The following WWOX variants were observed in gnomAD, a reference collection of about 807,000 sequenced individuals.
WWOX encodes WW domain-containing oxidoreductase.
A neutral mutation model predicts 46.2 loss-of-function variants in WWOX; 69 were observed. The ratio of observed to expected loss-of-function variants is 1.49; its 90% CI spans 1.23 to 1.82. The LOEUF (loss-of-function observed/expected upper bound fraction) is 1.82, where lower values mean the gene tolerates loss of function less well. Among genes scored for constraint, WWOX ranks in the 40% most tolerant of loss-of-function variants. The pLI, the probability that WWOX is intolerant of heterozygous loss-of-function variation, is 0.00. For missense variants in WWOX, 919 were observed against 542.6 expected (o/e 1.69, Z -6.89); for synonymous variants, 359 against 202.6 (o/e 1.77, Z -6.56).
At chr16:78,662,812 ACT>A (rs2047248649) in intron 8 of WWOX, among the ~76,000 whole-genome samples, 1 of 151,928 alleles carries the variant, frequency 6.6e-6, no homozygotes, top group Non-Finnish European at 1.5e-5. Flanking sequence ...GGGCTCTGGG[ACT>A]CAGCTTTTTG....
chr16:78,789,701 C>G (rs943237839), intron 8 of WWOX, among the ~76,000 whole-genome samples: 1 of 152,158 alleles, frequency 6.6e-6, no homozygotes, highest in East Asian at 1.9e-4. Context: ...TGTTCAATAA[C>G]TGGCTTGCAT....
At chr16:78,423,142 C>T (rs2082991367) in intron 6 of WWOX, among the ~76,000 whole-genome samples, 1 of 152,122 alleles carries the variant, frequency 6.6e-6, no homozygotes, top group African/African-American at 2.4e-5. Flanking sequence ...GCCTCAGCCT[C>T]CCAAAGTGCT....
At chr16:79,082,674 A>G (rs1053904046) in intron 8 of WWOX, among the ~76,000 whole-genome samples, 1 of 152,160 alleles carries the variant, frequency 6.6e-6, no homozygotes, top group Admixed American at 6.5e-5. Context: ...CTGCTCTTTT[A>G]GCTTCTGCCA....
In WWOX at chr16:79,015,361, G is replaced by A. The variant is rs148730036; in HGVS notation, c.1057-196247G>A. Among the ~76,000 whole-genome samples, 243 of 152,294 alleles carry A rather than the reference G, an allele frequency of 1.6e-3. 1 individual carries two copies. The highest frequency in any genetic ancestry group is 5.6e-3 in the African/African-American group (232 of 41,560). ...TTTCCAGCCGTGTGACCTTCCACAT[G>A]CTTTTTGATTTTTCTTGAACTCACT... On this transcript the variant is annotated intron_variant, in intron 8 of 8. Transcript: ENST00000566780.
chr16:78,263,016 C>T (rs1271469791), intron 5 of WWOX, among the ~76,000 whole-genome samples: 3 of 152,190 alleles, frequency 2.0e-5, no homozygotes, highest in Non-Finnish European at 4.4e-5. Flanking sequence ...GCTCTGTCTC[C>T]ATCCCTTGGC....
intron 8 of WWOX, among the ~76,000 whole-genome samples, chr16:78,861,466 ATTG>A: frequency 6.6e-6 from 1 of 152,206 alleles, no homozygotes; most frequent in Non-Finnish European, 1.5e-5. Context: ...ACATGTGGCC[ATTG>A]TTGTTTTATC....
intron 5 of WWOX, among the ~76,000 whole-genome samples, chr16:78,281,428 C>A (rs2079676486): frequency 6.6e-6 from 1 of 152,140 alleles, no homozygotes; most frequent in African/African-American, 2.4e-5. Context: ...CAGGAGTTTC[C>A]TCTTACACAC....
chr16:78,251,717 T>C (rs751473972), intron 5 of WWOX, among the ~76,000 whole-genome samples: 3 of 152,218 alleles, frequency 2.0e-5, no homozygotes, highest in Non-Finnish European at 4.4e-5. Context: ...CTTGTTACCT[T>C]GTCCAACAGC....
intron 8 of WWOX, among the ~76,000 whole-genome samples, chr16:79,160,466 A>T (rs2150748660): frequency 6.6e-6 from 1 of 152,158 alleles, no homozygotes; most frequent in African/African-American, 2.4e-5. Context: ...TGAACCCTCG[A>T]TATTAATATC....
intron 8 of WWOX, among the ~76,000 whole-genome samples, chr16:78,561,725 A>G (rs1260165282): frequency 6.6e-6 from 1 of 152,202 alleles, no homozygotes; most frequent in African/African-American, 2.4e-5. Context: ...AGCGCCTTAT[A>G]GGGAATCAGA....
chr16:79,113,083 G>A (rs2049448122), intron 8 of WWOX, among the ~76,000 whole-genome samples: 1 of 152,208 alleles, frequency 6.6e-6, no homozygotes, highest in African/African-American at 2.4e-5. Context: ...ACTCGGTCTG[G>A]TGGAACAGAG....
At chr16:79,052,704 C>A (rs1340013885) in intron 8 of WWOX, among the ~76,000 whole-genome samples, 1 of 152,214 alleles carries the variant, frequency 6.6e-6, no homozygotes, top group Non-Finnish European at 1.5e-5. Context: ...GAGCCTGTCT[C>A]CTTTGTCCGG....
chr16:78,666,426 G>C (rs771878123), intron 8 of WWOX, among the ~76,000 whole-genome samples: 5 of 152,212 alleles, frequency 3.3e-5, no homozygotes, highest in Non-Finnish European at 1.5e-5. Flanking sequence ...CCAAGCCCCA[G>C]TGTGTCACGC....
intron 8 of WWOX, among the ~76,000 whole-genome samples, chr16:78,785,257 C>T (rs1342630656): frequency 2.0e-5 from 3 of 152,202 alleles, no homozygotes; most frequent in Admixed American, 2.0e-4. Context: ...CTCTTCCCAC[C>T]TTCGATGGGC....
At chr16:78,897,035 C>T (rs12443561) in intron 8 of WWOX, 2 of 150,106 alleles carry the variant, frequency 1.3e-5, no homozygotes, top group African/African-American at 2.5e-5. Flanking sequence ...TGAGATCAGT[C>T]TGGGCAACAG....
At chr16:78,594,188 G>T (rs929652801) in intron 8 of WWOX, among the ~76,000 whole-genome samples, 10 of 144,742 alleles carry the variant, frequency 6.9e-5, no homozygotes, top group African/African-American at 1.4e-4. Flanking sequence ...GGAATCCTTA[G>T]GGCCTTTTTA....
At chr16:78,647,959 G>A (rs1029053591) in intron 8 of WWOX, among the ~76,000 whole-genome samples, 40 of 152,200 alleles carry the variant, frequency 2.6e-4, no homozygotes, top group African/African-American at 9.4e-4. Flanking sequence ...TCATATGAAC[G>A]GTGGGCTTTT....
chr16:79,126,476 G>C (rs1281048312), intron 8 of WWOX, among the ~76,000 whole-genome samples: 1 of 152,148 alleles, frequency 6.6e-6, no homozygotes, highest in Non-Finnish European at 1.5e-5. Flanking sequence ...GGCTTTGTAA[G>C]TGTTTGGTAG....
intron 8 of WWOX, among the ~76,000 whole-genome samples, chr16:78,835,831 A>T (rs2051965318): frequency 6.6e-6 from 1 of 152,226 alleles, no homozygotes; most frequent in South Asian, 2.1e-4. Context: ...TTGGTAGGAA[A>T]AGAGGAAAAA....
Sources: allele counts gnomAD v4.1 joint callset (sites outside exome capture counted in the v4.1 genomes callset), GRCh38; gene constraint gnomAD v4.1.1; transcripts MANE v1.5; gene names NCBI Gene and HGNC (gene_info 2026-07-23, HGNC 2026-07-21).